Variants in LARP6 observed in about 807,000 individuals in gnomAD.
LARP6 encodes the protein La ribonucleoprotein 6, translational regulator, also known as la-related protein 6.
In LARP6, 18 loss-of-function variants were observed where a neutral mutation model predicts 32.8. The ratio of observed to expected loss-of-function variants is 0.55; its 90% CI spans 0.38 to 0.81. The LOEUF is 0.81. LARP6 is among the 40% of genes least tolerant of loss of function. The pLI, the probability that LARP6 is intolerant of heterozygous loss-of-function variation, is 0.00. For missense variants in LARP6, 598 were observed against 663.1 expected (o/e 0.90, Z 1.08); for synonymous variants, 289 against 267.2 (o/e 1.08, Z -0.80).
intron 1 of LARP6, among the ~76,000 whole-genome samples, chr15:70,845,653 C>G (rs1002530271): frequency 1.3e-5 from 2 of 152,258 alleles, no homozygotes. Flanking sequence ...ACAGCCCACA[C>G]TTAGGGTGTG....
intron 1 of LARP6, chr15:70,851,800 GAAGA>G (rs921028873): frequency 6.3e-7 from 1 of 1,593,174 alleles, no homozygotes; most frequent in Admixed American, 1.7e-5. Flanking sequence ...CAGCAACAGA[GAAGA>G]AAGGAAACAC....
Position 70,832,655 on chromosome 15 carries a change from A to C in LARP6, c.873T>G (p.Ile291Met). 1 of 1,609,982 alleles carries C rather than the reference A, an allele frequency of 6.2e-7. No homozygotes were observed. Among genetic ancestry groups the C allele is most frequent in the East Asian group, 2.2e-5 (1 of 44,842 alleles). ...GTTTCTTTTTGGGTGGCTTCATACC[A>C]ATCAGGACAGCTTTCATGTTCTCTT... ...QGKENMKAVLIGMKPPKKKPA... is the reference protein window; with the variant it reads ...QGKENMKAVLMGMKPPKKKPA... The change falls in exon 3 of 3, where the codon ATT becomes ATG. Residue 291 changes from isoleucine (I) to methionine (M), a missense_variant. This residue lies in a region of LARP6 where 368 missense variants were observed against 397.9 expected (regional missense o/e 0.92). Coordinates refer to ENST00000299213, the MANE Select transcript of LARP6 (RefSeq NM_018357.4).
rs2032579027 is a variant in LARP6, at chr15:70,854,089, G to A, written c.-1C>T. Reference sequence around the variant, plus strand: ...GAGCCTCCCCGCCGGACTGGGCCATGGCTCGCGGGACTGCGGCGCCGCCGG... The same window carrying A: ...GAGCCTCCCCGCCGGACTGGGCCATAGCTCGCGGGACTGCGGCGCCGCCGG... On this transcript the variant is annotated 5_prime_UTR_variant, in exon 1 of 3. Coordinates refer to ENST00000299213, the MANE Select transcript of LARP6 (RefSeq NM_018357.4). 18 of 1,300,680 alleles carry A rather than the reference G, an allele frequency of 1.4e-5. No individual in the cohort carries two copies. Among genetic ancestry groups the A allele is most frequent in the Non-Finnish European group, 1.8e-5 (18 of 1,019,846 alleles). 80.6% of individuals were successfully genotyped at this position (1,300,680 alleles called of 1,614,324 possible).
At chr15:70,840,912 CTT>C (rs71438504) in intron 1 of LARP6, among the ~76,000 whole-genome samples, 28 of 139,464 alleles carry the variant, frequency 2.0e-4, no homozygotes, top group Admixed American at 2.2e-4. Flanking sequence ...TCTTTTCTCT[CTT>C]TTTTTTTTTT....
chr15:70,851,642 T>C (rs766987008), intron 1 of LARP6: 2 of 1,613,576 alleles, frequency 1.2e-6, no homozygotes, highest in East Asian at 2.2e-5. Context: ...ACATGTCCTA[T>C]GTGCTGGGTG....
chr15:70,847,386 TA>T (rs1045031614), intron 1 of LARP6, among the ~76,000 whole-genome samples: 2 of 151,712 alleles, frequency 1.3e-5, no homozygotes, highest in African/African-American at 4.8e-5. Flanking sequence ...TTTTTTTTTT[TA>T]AATATGTTGT....
chr15:70,836,500 G>A lies in LARP6; in HGVS notation c.206C>T (p.Thr69Ile), dbSNP rs190136397. Residue 69 changes from threonine to isoleucine, a missense_variant, in exon 2 of 3, where the codon ACC (threonine) becomes ATC (isoleucine). By Grantham distance (89) the Thr-to-Ile change is moderately conservative. Around this residue, in one of 3 missense-constraint regions of LARP6, gnomAD observed 161 missense variants for 148.6 expected, o/e 1.08. Coordinates refer to ENST00000299213, the MANE Select transcript of LARP6 (RefSeq NM_018357.4). Reference protein sequence around the residue: ...EEEPSRGHSGTTASGGENERE... With the variant: ...EEEPSRGHSGITASGGENERE... ...CTCGTTCTCACCTCCACTTGCAGTGGTGCCACTGAGACCAGAAGGAGACAC... is the reference window on the plus strand; with the variant it reads ...CTCGTTCTCACCTCCACTTGCAGTGATGCCACTGAGACCAGAAGGAGACAC... 52 of 1,613,976 alleles carry A rather than the reference G, an allele frequency of 3.2e-5. No homozygotes were observed. In the Admixed American group the frequency reaches 8.0e-4, roughly 25 times the overall value.
At chr15:70,837,349 C>T (rs931116830) in intron 1 of LARP6, among the ~76,000 whole-genome samples, 1 of 151,992 alleles carries the variant, frequency 6.6e-6, no homozygotes, top group African/African-American at 2.4e-5. Flanking sequence ...CACCACTGTA[C>T]CCCAGACTGG....
At position 70,832,816 on chromosome 15, in the gene LARP6, C is replaced by G. The variant is rs2032077532; in HGVS notation, c.712G>C (p.Glu238Gln). 2 of 1,612,886 alleles carry G rather than the reference C, an allele frequency of 1.2e-6. No individual in the cohort carries two copies. The highest frequency in any genetic ancestry group is 1.7e-6 in the Non-Finnish European group (2 of 1,179,584). Residue 238 changes from glutamate (E) to glutamine (Q), a missense_variant, in exon 3 of 3, where the codon GAG becomes CAG. Glu to Gln is a conservative substitution (Grantham distance 29, BLOSUM62 2). Coordinates refer to ENST00000299213, the MANE Select transcript of LARP6 (RefSeq NM_018357.4). ...SSVRILKPGRELPPDIRRISS... is the reference protein window; with the variant it reads ...SSVRILKPGRQLPPDIRRISS... ...ATCCTCCGGATGTCAGGGGGCAGCTCTCTCCCAGGTTTGAGGATCCGCACT... is the reference window on the plus strand; with the variant it reads ...ATCCTCCGGATGTCAGGGGGCAGCTGTCTCCCAGGTTTGAGGATCCGCACT...
intron 1 of LARP6, among the ~76,000 whole-genome samples, chr15:70,848,547 C>T (rs974052556): frequency 2.0e-5 from 3 of 152,162 alleles, no homozygotes; most frequent in African/African-American, 7.2e-5. Context: ...GCCTGGCCAA[C>T]ATGGTGAAAC....
chr15:70,842,994 T>C (rs2032283842), intron 1 of LARP6, among the ~76,000 whole-genome samples: 1 of 152,216 alleles, frequency 6.6e-6, no homozygotes, highest in African/African-American at 2.4e-5. Flanking sequence ...TGGGAAAAGA[T>C]ACCATATCTT....
At position 70,852,301 on chromosome 15, in the gene LARP6, G is replaced by A. The variant is rs1228886622; in HGVS notation, c.200+1588C>T. 3 of 455,868 alleles carry A rather than the reference G, an allele frequency of 6.6e-6. No individual in the cohort carries two copies. In the East Asian group the frequency reaches 2.1e-4, roughly 32 times the overall value. 28.2% of individuals were successfully genotyped at this position (455,868 alleles called of 1,614,324 possible). A position where few individuals can be genotyped will look rare whatever the true frequency, so the allele number is the denominator to read the frequency against. ...AGGAAGGGCTTCAGACTGAACACTT[G>A]CTGAGACTCAAGCCACGGGAGCTGG... On this transcript the variant is annotated intron_variant, in intron 1 of 2. Transcript: ENST00000299213.
chr15:70,842,608 C>A (rs1457934292), intron 1 of LARP6, among the ~76,000 whole-genome samples: 1 of 152,166 alleles, frequency 6.6e-6, no homozygotes, highest in Non-Finnish European at 1.5e-5. Context: ...TTCTGCAGAA[C>A]CTGACCTCAG....
intron 1 of LARP6, among the ~76,000 whole-genome samples, chr15:70,837,669 G>C (rs1273755098): frequency 6.6e-6 from 1 of 152,144 alleles, no homozygotes; most frequent in South Asian, 2.1e-4. Context: ...TGCCTCTCAG[G>C]AGTCACTGCA....
intron 1 of LARP6, among the ~76,000 whole-genome samples, chr15:70,845,703 G>T (rs2032333315): frequency 6.6e-6 from 1 of 152,224 alleles, no homozygotes; most frequent in East Asian, 1.9e-4. Flanking sequence ...GAAGACAAAA[G>T]GTACATGCTG....
chr15:70,851,674 C>A (rs750892050), intron 1 of LARP6: 2 of 1,614,124 alleles, frequency 1.2e-6, no homozygotes, highest in East Asian at 2.2e-5. Context: ...GCTGAAGATA[C>A]AATGAACGAA....
chr15:70,844,107 C>A (rs1299239559), intron 1 of LARP6, among the ~76,000 whole-genome samples: 2 of 151,652 alleles, frequency 1.3e-5, no homozygotes, highest in Non-Finnish European at 2.9e-5. Flanking sequence ...CAGGCACACA[C>A]CACCCCACCC....
At chr15:70,847,358 G>C (rs1271497506) in intron 1 of LARP6, among the ~76,000 whole-genome samples, 1 of 151,838 alleles carries the variant, frequency 6.6e-6, no homozygotes, top group Non-Finnish European at 1.5e-5. Context: ...TGGGTTCCAT[G>C]AATCAGTGCT....
At chr15:70,853,209 G>A (rs2032525748) in intron 1 of LARP6, 1 of 146,004 alleles carries the variant, frequency 6.8e-6, no homozygotes, top group Admixed American at 6.8e-5. Context: ...CCAAAACCCA[G>A]GAACACCCCC....
Sources: allele counts gnomAD v4.1 joint callset (sites outside exome capture counted in the v4.1 genomes callset), GRCh38; gene constraint gnomAD v4.1.1; regional missense constraint gnomAD v4.1.1; transcripts MANE v1.5; gene names NCBI Gene and HGNC (gene_info 2026-07-23, HGNC 2026-07-21).